Variants in LRP12 observed in about 807,000 individuals in gnomAD.
LRP12 encodes LDL receptor related protein 12.
In LRP12, 14 loss-of-function variants were observed where a neutral mutation model predicts 66.0. That is an observed-to-expected ratio of 0.21 (90% CI 0.14 to 0.33). The LOEUF (loss-of-function observed/expected upper bound fraction) is 0.33, where lower values mean the gene tolerates loss of function less well. Among genes scored for constraint, LRP12 ranks in the 10% least tolerant of loss-of-function variants. The probability of loss-of-function intolerance (pLI) is 1.00; values close to 1 mark genes in which losing one functional copy is unlikely to be tolerated. For missense variants in LRP12, 889 were observed against 1,053.4 expected, an observed-to-expected ratio of 0.84 and a Z score of 2.16; for synonymous variants, 357 against 359.1, an observed-to-expected ratio of 0.99 and a Z score of 0.07.
intron 6 of LRP12, among the ~76,000 whole-genome samples, chr8:104,492,580 A>G (rs921424780): frequency 6.6e-6 from 1 of 152,174 alleles, no homozygotes; most frequent in East Asian, 1.9e-4. Flanking sequence ...CCCTCACAGA[A>G]GAAAGAAGGT....
At chr8:104,503,696 C>T (rs560237209) in intron 3 of LRP12, among the ~76,000 whole-genome samples, 1 of 152,134 alleles carries the variant, frequency 6.6e-6, no homozygotes, top group African/African-American at 2.4e-5. Context: ...GTACACAGTA[C>T]TTTCATACAA....
intron 1 of LRP12, among the ~76,000 whole-genome samples, chr8:104,571,070 C>T (rs1247095710): frequency 6.6e-6 from 1 of 152,166 alleles, no homozygotes; most frequent in Non-Finnish European, 1.5e-5. Flanking sequence ...ATACCAAGTA[C>T]TGACAAAGAT....
chr8:104,490,556 TAAG>T lies in LRP12; in HGVS notation c.*114_*116del, dbSNP rs1273233312. On this transcript the variant is annotated 3_prime_UTR_variant, in exon 7 of 7. Transcript: ENST00000276654. ...AACCATGCAGGCTAACATATAATAA[TAAG>T]AAATCACCCTGCATTTTTTCTTTTT... 1.0e-5 allele frequency: 12 copies of T among 1,189,404 alleles called. No individual in the cohort carries two copies. The Admixed American group carries it at 2.8e-4, about 28-fold the overall frequency. 73.7% of individuals were successfully genotyped at this position (1,189,404 alleles called of 1,614,324 possible).
At chr8:104,521,584 A>C (rs962681882) in intron 2 of LRP12, among the ~76,000 whole-genome samples, 51 of 151,480 alleles carry the variant, frequency 3.4e-4, no homozygotes, top group African/African-American at 1.2e-3. Flanking sequence ...TGACTTTAAA[A>C]ATTATTAGCA....
chr8:104,542,803 C>T (rs1406230704), intron 1 of LRP12, among the ~76,000 whole-genome samples: 2 of 151,874 alleles, frequency 1.3e-5, no homozygotes, highest in African/African-American at 2.4e-5. Flanking sequence ...AAGAAAATCA[C>T]AAGGAATAGA....
chr8:104,557,818 G>C (rs557575224), intron 1 of LRP12, among the ~76,000 whole-genome samples: 1 of 152,174 alleles, frequency 6.6e-6, no homozygotes, highest in South Asian at 2.1e-4. Context: ...GCCAAAGCAA[G>C]ACTAAGCAAA....
chr8:104,547,354 T>TA lies in LRP12; in HGVS notation c.80-15392_80-15391insT, dbSNP rs1564141254. 5.5e-4 allele frequency among the ~76,000 whole-genome samples: 64 copies of TA among 115,340 alleles called. 2 individuals are homozygous for TA. The highest frequency in any genetic ancestry group is 1.1e-3 in the South Asian group (4 of 3,800). The allele number at this position is 115,340 out of a possible 152,430, so 75.7% of individuals were successfully genotyped here. On this transcript the variant is annotated intron_variant, in intron 1 of 6. Transcript: ENST00000276654. The stretch of plus-strand genomic sequence containing the variant: ...GTATATAATATACAATTCTGTTATA[T>TA]TTTGTATATAATATACAATTCTGTT...
At chr8:104,504,682 G>A (rs963556622) in intron 3 of LRP12, 3 of 152,050 alleles carry the variant, frequency 2.0e-5, no homozygotes, top group African/African-American at 7.2e-5. Flanking sequence ...GAGTTCCTTT[G>A]TGATGTGAAA....
Position 104,539,085 on chromosome 8 carries a change from A to C in LRP12, c.80-7122T>G, listed in dbSNP as rs560168994. 5.9e-5 allele frequency among the ~76,000 whole-genome samples: 9 copies of C among 152,300 alleles called. 1 individual carries two copies. The highest frequency in any genetic ancestry group is 2.2e-4 in the African/African-American group (9 of 41,586). ...GTGAAGAAAGTCCACAGATTGAAAA[A>C]GGCTTAAAGGAAGTACTGAATAATA... On this transcript the variant is annotated intron_variant, in intron 1 of 6. Coordinates refer to ENST00000276654, the MANE Select transcript of LRP12 (RefSeq NM_013437.5).
chr8:104,518,166 G>C (rs1564133927), intron 2 of LRP12, among the ~76,000 whole-genome samples: 2 of 152,076 alleles, frequency 1.3e-5, no homozygotes, highest in Admixed American at 6.6e-5. Flanking sequence ...TCCAAGAACT[G>C]TAAGTATCAT....
At chr8:104,498,294 G>T (rs1810770718) in intron 4 of LRP12, among the ~76,000 whole-genome samples, 2 of 152,110 alleles carry the variant, frequency 1.3e-5, no homozygotes, top group Admixed American at 1.3e-4. Context: ...CATGTGCCAT[G>T]GTGGTTTGCT....
At chr8:104,494,210 G>C (rs767171696) in intron 6 of LRP12, among the ~76,000 whole-genome samples, 41 of 152,138 alleles carry the variant, frequency 2.7e-4, no homozygotes, top group Non-Finnish European at 4.3e-4. Context: ...CACAACTTAG[G>C]TTTTTCCTAC....
chr8:104,541,354 A>T (rs1811473464), intron 1 of LRP12, among the ~76,000 whole-genome samples: 1 of 152,198 alleles, frequency 6.6e-6, no homozygotes, highest in Admixed American at 6.5e-5. Flanking sequence ...CTCACAACAT[A>T]AACTGGAAAA....
intron 1 of LRP12, among the ~76,000 whole-genome samples, chr8:104,534,318 A>C (rs1811366241): frequency 1.3e-5 from 2 of 152,082 alleles, no homozygotes; most frequent in South Asian, 4.1e-4. Context: ...TTATATAAAC[A>C]CTGATGAGCC....
At chr8:104,571,271 G>A (rs756574087) in intron 1 of LRP12, among the ~76,000 whole-genome samples, 10 of 152,160 alleles carry the variant, frequency 6.6e-5, no homozygotes, top group South Asian at 2.1e-4. Flanking sequence ...GTAATGGGCC[G>A]TGGCCTATTA....
chr8:104,550,999 C>T (rs948297628), intron 1 of LRP12, among the ~76,000 whole-genome samples: 1 of 152,084 alleles, frequency 6.6e-6, no homozygotes, highest in Non-Finnish European at 1.5e-5. Flanking sequence ...CAATTCCTTC[C>T]ATGTGTTAAG....
chr8:104,508,601 G>A (rs2140842474), intron 3 of LRP12: 1 of 182,936 alleles, frequency 5.5e-6, no homozygotes, highest in East Asian at 1.3e-4. Flanking sequence ...ATATCCAAGT[G>A]AATTAATGAG....
chr8:104,570,207 C>T (rs1812057708), intron 1 of LRP12, among the ~76,000 whole-genome samples: 1 of 152,078 alleles, frequency 6.6e-6, no homozygotes, highest in Non-Finnish European at 1.5e-5. Context: ...TCAATTCTTC[C>T]TAAAGTAATC....
intron 3 of LRP12, among the ~76,000 whole-genome samples, chr8:104,500,035 G>A (rs191430631): frequency 6.6e-6 from 1 of 152,256 alleles, no homozygotes; most frequent in East Asian, 1.9e-4. Context: ...CACGAAAAAT[G>A]TTTTTGGTGA....
Sources: gnomAD v4.1 joint callset for allele counts (sites outside exome capture counted in the v4.1 genomes callset) on GRCh38, gnomAD v4.1.1 for gene constraint, MANE v1.5 for transcripts, NCBI Gene and HGNC (gene_info 2026-07-23, HGNC 2026-07-21) for gene names.